Variants in GRID2 observed in about 807,000 individuals in gnomAD.
GRID2 encodes glutamate ionotropic receptor delta type subunit 2, also known as glutamate receptor ionotropic, delta-2.
GRID2 carries 33 observed loss-of-function variants against 114.8 expected under a neutral mutation model. The observed-to-expected ratio is 0.29, with a 90% CI of 0.22 to 0.38. The LOEUF is 0.38. Among genes scored for constraint, GRID2 ranks in the 10% least tolerant of loss-of-function variants. GRID2 has a pLI of 1.00. For missense variants in GRID2, 1,184 were observed against 1,257.7 expected (o/e 0.94, Z 0.89); for synonymous variants, 505 against 449.9 (o/e 1.12, Z -1.55).
intron 2 of GRID2, among the ~76,000 whole-genome samples, chr4:92,989,267 A>G (rs1258690468): frequency 2.3e-4 from 27 of 116,136 alleles, no homozygotes; most frequent in African/African-American, 7.5e-4. Context: ...ACAGAGCGAG[A>G]CTCCATCTCA....
chr4:93,319,162 G>C (rs1211415473), intron 8 of GRID2, among the ~76,000 whole-genome samples: 1 of 152,024 alleles, frequency 6.6e-6, no homozygotes, highest in African/African-American at 2.4e-5. Context: ...GGTACTTTCA[G>C]GAAGGGGAAA....
At chr4:93,240,177 A>G (rs181794667) in intron 8 of GRID2, among the ~76,000 whole-genome samples, 1 of 151,766 alleles carries the variant, frequency 6.6e-6, no homozygotes, top group Admixed American at 6.6e-5. Context: ...CCTGCAATAT[A>G]AGAAACCATA....
intron 2 of GRID2, among the ~76,000 whole-genome samples, chr4:92,629,192 A>G (rs1730669545): frequency 6.6e-6 from 1 of 151,952 alleles, no homozygotes; most frequent in African/African-American, 2.4e-5. Context: ...TACTTTATCA[A>G]CCCATTGAAT....
intron 2 of GRID2, among the ~76,000 whole-genome samples, chr4:92,724,456 A>T (rs184101732): frequency 0.011 from 1,656 of 152,252 alleles, 8 homozygotes; most frequent in Non-Finnish European, 0.017. Flanking sequence ...AACTATTTTT[A>T]AAAAAAGTTG....
At chr4:93,157,220 A>G (rs1428117375) in intron 4 of GRID2, among the ~76,000 whole-genome samples, 3 of 151,662 alleles carry the variant, frequency 2.0e-5, no homozygotes. Flanking sequence ...AGGGATGCCT[A>G]CATTATTTGT....
chr4:93,691,625 A>G (rs922761644), intron 14 of GRID2, among the ~76,000 whole-genome samples: 2 of 152,070 alleles, frequency 1.3e-5, no homozygotes, highest in African/African-American at 4.8e-5. Context: ...GGCTTTTAAC[A>G]CTGTAACTTA....
chr4:93,514,514 C>A (rs1035247389), intron 12 of GRID2, among the ~76,000 whole-genome samples: 5 of 151,372 alleles, frequency 3.3e-5, no homozygotes, highest in Admixed American at 2.6e-4. Context: ...CAGTGTCTTG[C>A]GTTGGAAATA....
At chr4:92,510,480 A>AT (rs1724188510) in intron 1 of GRID2, among the ~76,000 whole-genome samples, 1 of 151,800 alleles carries the variant, frequency 6.6e-6, no homozygotes, top group Non-Finnish European at 1.5e-5. Flanking sequence ...AATTTTAGCT[A>AT]TTTTTCAAGT....
rs1205747681 is a variant in GRID2, at chr4:93,613,927, A to T, written c.2194-12342A>T. On this transcript the variant is annotated intron_variant, in intron 13 of 15. Coordinates refer to ENST00000282020, the MANE Select transcript of GRID2 (RefSeq NM_001510.4). Reference sequence around the variant, plus strand: ...TCCCCCAGCCTAGTTGCCGCCTTGCAGTTTGATCTCAGACTGCTGTGCTAG... The same window carrying T: ...TCCCCCAGCCTAGTTGCCGCCTTGCTGTTTGATCTCAGACTGCTGTGCTAG... Among the ~76,000 whole-genome samples the T allele has an allele frequency of 2.6e-5, 4 of 151,482 alleles. No individual in the cohort carries two copies. In the South Asian group the frequency reaches 6.3e-4, roughly 24 times the overall value.
intron 3 of GRID2, among the ~76,000 whole-genome samples, chr4:93,109,217 C>T (rs2149349786): frequency 6.6e-6 from 1 of 152,224 alleles, no homozygotes; most frequent in Middle Eastern, 3.4e-3. Flanking sequence ...CATCCTCTGC[C>T]CTAGCTGAGG....
At chr4:93,290,562 A>G (rs1007203359) in intron 8 of GRID2, among the ~76,000 whole-genome samples, 2 of 152,062 alleles carry the variant, frequency 1.3e-5, no homozygotes, top group African/African-American at 4.8e-5. Context: ...CTTTAGTAAG[A>G]GTCATCTATG....
rs869285420 is a variant in GRID2, at chr4:92,965,450, TAAAAAAAAAA to T, written c.245-119515_245-119506del. ...AGGGTTGCCATAAACATTCAATTTGTAAAAAAAAAAAAAAAAAAAAAAAAAAAAAAAAAAA... is the reference window on the plus strand; with the variant it reads ...AGGGTTGCCATAAACATTCAATTTGTAAAAAAAAAAAAAAAAAAAAAAAAA... On this transcript the variant is annotated intron_variant, in intron 2 of 15. Coordinates refer to ENST00000282020, the MANE Select transcript of GRID2 (RefSeq NM_001510.4). Among the ~76,000 whole-genome samples the T allele has an allele frequency of 9.0e-3, 768 of 85,372 alleles. 1 individual carries two copies. Among genetic ancestry groups the T allele is most frequent in the East Asian group, 0.028 (72 of 2,618 alleles). 56.0% of individuals were successfully genotyped at this position (85,372 alleles called of 152,430 possible). A position where few individuals can be genotyped will look rare whatever the true frequency, so the allele number is the denominator to read the frequency against.
At chr4:93,549,366 C>T (rs1733545876) in intron 13 of GRID2, among the ~76,000 whole-genome samples, 1 of 152,162 alleles carries the variant, frequency 6.6e-6, no homozygotes, top group Non-Finnish European at 1.5e-5. Context: ...CAAGAATTTA[C>T]AACTGTAAAA....
chr4:92,790,288 C>T (rs1392934249), intron 2 of GRID2, among the ~76,000 whole-genome samples: 1 of 151,504 alleles, frequency 6.6e-6, no homozygotes, highest in Admixed American at 6.6e-5. Flanking sequence ...GCTCTGTAAC[C>T]TTAGGTCATT....
rs76030766 is a variant in GRID2 at position 93,762,937 on chromosome 4, G to C, written c.2361-6273G>C. ...CAGGGGCTGGATAAAGAAAATGGCA[G>C]AGGCTCAGAAGGATGTAGAGCACCC... On this transcript the variant is annotated intron_variant, in intron 14 of 15. Transcript: ENST00000282020. Among the ~76,000 whole-genome samples the C allele has an allele frequency of 7.0e-3, 1,070 of 152,248 alleles. 15 individuals carry two copies. Among genetic ancestry groups the C allele is most frequent in the African/African-American group, 0.025 (1,022 of 41,548 alleles).
intron 14 of GRID2, among the ~76,000 whole-genome samples, chr4:93,752,680 C>G (rs1732429476): frequency 1.3e-5 from 2 of 152,250 alleles, no homozygotes; most frequent in South Asian, 2.1e-4. Flanking sequence ...AATACTCATA[C>G]TCTTAACTAT....
rs138386961 is a variant in GRID2, at chr4:93,073,293, A to G, written c.245-11702A>G. ...GCTGAGTTTGACTGGCATTTCAGAC[A>G]GACAATTTATCTTATAAACAGATAA... On this transcript the variant is annotated intron_variant, in intron 2 of 15. Transcript: ENST00000282020. Among the ~76,000 whole-genome samples the G allele has an allele frequency of 4.5e-4, 69 of 152,344 alleles. No individual in the cohort carries two copies. In the East Asian group the frequency reaches 6.6e-3, roughly 14 times the overall value.
chr4:93,763,118 A>G (rs1046586032), intron 14 of GRID2, among the ~76,000 whole-genome samples: 3 of 152,118 alleles, frequency 2.0e-5, no homozygotes, highest in Non-Finnish European at 4.4e-5. Context: ...GAGAGCTGCC[A>G]AAGCGAATTC....
chr4:93,706,716 G>A (rs971036750), intron 14 of GRID2, among the ~76,000 whole-genome samples: 3 of 152,098 alleles, frequency 2.0e-5, no homozygotes, highest in Non-Finnish European at 4.4e-5. Flanking sequence ...TCTTTCTGTT[G>A]CCTGATTGCT....
Sources: gnomAD v4.1 joint callset for allele counts (sites outside exome capture counted in the v4.1 genomes callset) on GRCh38, gnomAD v4.1.1 for gene constraint, MANE v1.5 for transcripts, NCBI Gene and HGNC (gene_info 2026-07-23, HGNC 2026-07-21) for gene names.